The following SPOCK3 variants were observed in gnomAD, a reference collection of about 807,000 sequenced individuals.
SPOCK3 encodes the protein SPARC (osteonectin), cwcv and kazal like domains proteoglycan 3, also known as testican-3.
Under a neutral mutation model 56.6 loss-of-function variants are expected in SPOCK3, and 30 were observed. The ratio of observed to expected loss-of-function variants is 0.53; its 90% CI spans 0.40 to 0.72. The LOEUF (loss-of-function observed/expected upper bound fraction) is 0.72, where lower values mean the gene tolerates loss of function less well. SPOCK3 is among the 30% of genes least tolerant of loss of function. SPOCK3 has a pLI of 0.00. For synonymous variants in SPOCK3, 196 were observed against 183.3 expected (o/e 1.07, Z -0.56); for missense variants, 527 against 530.0 (o/e 0.99, Z 0.06).
chr4:166,952,631 T>G (rs1387296294), intron 4 of SPOCK3, among the ~76,000 whole-genome samples: 1 of 152,082 alleles, frequency 6.6e-6, no homozygotes, highest in Non-Finnish European at 1.5e-5. Flanking sequence ...GTCAAGGCAA[T>G]CCTAAGTCAA....
chr4:167,130,346 T>C (rs760663659), intron 2 of SPOCK3, among the ~76,000 whole-genome samples: 1 of 152,116 alleles, frequency 6.6e-6, no homozygotes, highest in Admixed American at 6.5e-5. Flanking sequence ...ACATAAAAAT[T>C]TGGAGTTTTT....
At chr4:166,850,905 T>C (rs1729952375) in intron 6 of SPOCK3, among the ~76,000 whole-genome samples, 1 of 152,216 alleles carries the variant, frequency 6.6e-6, no homozygotes, top group South Asian at 2.1e-4. Flanking sequence ...GTGCCCACCA[T>C]TGCCCAGGCT....
At chr4:166,992,084 C>A (rs979064253) in intron 4 of SPOCK3, among the ~76,000 whole-genome samples, 2 of 151,990 alleles carry the variant, frequency 1.3e-5, no homozygotes, top group Non-Finnish European at 2.9e-5. Flanking sequence ...TGCTGAATTG[C>A]AAATGTTCAA....
At chr4:166,795,676 TA>T (rs137886586) in intron 6 of SPOCK3, among the ~76,000 whole-genome samples, 6,865 of 151,892 alleles carry the variant, frequency 0.045, 485 homozygotes, top group African/African-American at 0.14. Flanking sequence ...AAAGTTGATA[TA>T]TTTTATAACT....
At chr4:167,109,435 A>C (rs1217093076) in intron 2 of SPOCK3, among the ~76,000 whole-genome samples, 1 of 104,568 alleles carries the variant, frequency 9.6e-6, no homozygotes, top group African/African-American at 3.7e-5. Flanking sequence ...ATATATGATA[A>C]ATATATATTT....
chr4:167,083,644 A>G (rs1198588448), intron 2 of SPOCK3, among the ~76,000 whole-genome samples: 1 of 152,140 alleles, frequency 6.6e-6, no homozygotes, highest in Non-Finnish European at 1.5e-5. Flanking sequence ...CTGTGGTCAA[A>G]CTAGGTTATA....
chr4:167,082,376 C>T (rs1757787405), intron 2 of SPOCK3, among the ~76,000 whole-genome samples: 1 of 151,986 alleles, frequency 6.6e-6, no homozygotes, highest in Non-Finnish European at 1.5e-5. Flanking sequence ...GTTGGTTTTG[C>T]CTTTACATGG....
At chr4:166,799,312 G>A (rs565836483) in intron 6 of SPOCK3, among the ~76,000 whole-genome samples, 4 of 152,180 alleles carry the variant, frequency 2.6e-5, no homozygotes, top group Admixed American at 2.6e-4. Flanking sequence ...TCCTTTTATT[G>A]GTGACTTTCA....
intron 6 of SPOCK3, among the ~76,000 whole-genome samples, chr4:166,858,846 A>G (rs1730949510): frequency 6.6e-6 from 1 of 152,134 alleles, no homozygotes; most frequent in Admixed American, 6.6e-5. Context: ...TGTGAGCAGA[A>G]ATAAATTTAT....
chr4:166,780,043 T>C (rs967492524), intron 7 of SPOCK3, among the ~76,000 whole-genome samples: 1 of 152,172 alleles, frequency 6.6e-6, no homozygotes, highest in Non-Finnish European at 1.5e-5. Flanking sequence ...ACTCACTGGT[T>C]TCACCTAGAA....
At chr4:167,200,726 A>C (rs1420595132) in intron 2 of SPOCK3, among the ~76,000 whole-genome samples, 1 of 152,088 alleles carries the variant, frequency 6.6e-6, no homozygotes, top group African/African-American at 2.4e-5. Flanking sequence ...TAACCTTGGA[A>C]GTTGAGAAAA....
chr4:166,858,100 G>T (rs1318159478), intron 6 of SPOCK3, among the ~76,000 whole-genome samples: 2 of 152,062 alleles, frequency 1.3e-5, no homozygotes, highest in East Asian at 3.9e-4. Flanking sequence ...ACAGCACTTG[G>T]GTATGAGCGA....
intron 7 of SPOCK3, 135 bp from the exon 8 acceptor site, chr4:166,754,864 C>A (rs1329299385): frequency 1.4e-6 from 1 of 728,798 alleles, no homozygotes; most frequent in Non-Finnish European, 2.2e-6. Context: ...TTAAATTCAT[C>A]ATGAGTAGTT....
intron 4 of SPOCK3, among the ~76,000 whole-genome samples, chr4:166,968,406 GA>G (rs1394429312): frequency 6.6e-6 from 1 of 152,146 alleles, no homozygotes; most frequent in Non-Finnish European, 1.5e-5. Flanking sequence ...GGCCTAGGAG[GA>G]AAAAATGCTT....
intron 6 of SPOCK3, among the ~76,000 whole-genome samples, chr4:166,815,589 A>G (rs976229663): frequency 1.3e-5 from 2 of 151,982 alleles, no homozygotes; most frequent in East Asian, 1.9e-4. Context: ...GCCAGGAGTG[A>G]GCAACATAGC....
chr4:166,975,068 C>T (rs1399997942), intron 4 of SPOCK3, among the ~76,000 whole-genome samples: 1 of 152,154 alleles, frequency 6.6e-6, no homozygotes, highest in South Asian at 2.1e-4. Flanking sequence ...CACCCTTTCC[C>T]TCTTGTCCTG....
chr4:166,993,337 T>C (rs2150115536), intron 4 of SPOCK3, among the ~76,000 whole-genome samples: 2 of 152,280 alleles, frequency 1.3e-5, no homozygotes, highest in East Asian at 3.9e-4. Context: ...ATCCTTCTCG[T>C]GTATTTTGGA....
At chr4:167,127,891 A>G (rs1380520976) in intron 2 of SPOCK3, among the ~76,000 whole-genome samples, 1 of 152,244 alleles carries the variant, frequency 6.6e-6, no homozygotes, top group Non-Finnish European at 1.5e-5. Flanking sequence ...CGAAATTATC[A>G]AAATAAATTA....
intron 6 of SPOCK3, among the ~76,000 whole-genome samples, chr4:166,888,518 T>A (rs1734436917): frequency 6.6e-6 from 1 of 152,050 alleles, no homozygotes; most frequent in South Asian, 2.1e-4. Context: ...TGATACCATG[T>A]AAACTATAAT....
Sources: allele counts gnomAD v4.1 joint callset (sites outside exome capture counted in the v4.1 genomes callset), GRCh38; gene constraint gnomAD v4.1.1; transcripts MANE v1.5; gene names NCBI Gene and HGNC (gene_info 2026-07-23, HGNC 2026-07-21).